The following STEAP4 variants were observed in gnomAD, a reference collection of about 807,000 sequenced individuals.
The protein encoded by STEAP4 is metalloreductase STEAP4.
Under a neutral mutation model 43.6 loss-of-function variants are expected in STEAP4, and 36 were observed. The ratio of observed to expected loss-of-function variants is 0.83; its 90% confidence interval spans 0.63 to 1.09. STEAP4 has a LOEUF of 1.09. STEAP4 is among the 50% of genes least tolerant of loss of function. STEAP4 has a pLI of 0.00. For missense variants in STEAP4, 495 were observed against 546.5 expected (o/e 0.91, Z 0.94); for synonymous variants, 191 against 196.7 (o/e 0.97, Z 0.24).
Position 88,279,208 on chromosome 7 carries a change from A to G in STEAP4, c.*190T>C. Reference sequence around the variant, plus strand: ...CACTGATTCTTCACTAACCTGAGATAAAATGGTGTTCTCTTCCAGTATGTC... The same window carrying G: ...CACTGATTCTTCACTAACCTGAGATGAAATGGTGTTCTCTTCCAGTATGTC... On this transcript the variant is annotated 3_prime_UTR_variant, in exon 5 of 5. Coordinates refer to ENST00000380079, the MANE Select transcript of STEAP4 (RefSeq NM_024636.4). 1.7e-6 allele frequency: 1 copy of G among 592,464 alleles called. No individual in the cohort carries two copies. The allele number at this position is 592,464 out of a possible 1,614,324, so 36.7% of individuals were successfully genotyped here. A position where few individuals can be genotyped will look rare whatever the true frequency, so the allele number is the denominator to read the frequency against.
At chr7:88,289,381 ACT>A (rs1321994241) in intron 1 of STEAP4, among the ~76,000 whole-genome samples, 1 of 152,138 alleles carries the variant, frequency 6.6e-6, no homozygotes, top group East Asian at 1.9e-4. Context: ...TGAAAGTAAA[ACT>A]CTGTGAATTT....
chr7:88,284,869 A>G (rs1020085112), intron 1 of STEAP4, among the ~76,000 whole-genome samples: 3 of 152,178 alleles, frequency 2.0e-5, no homozygotes, highest in Non-Finnish European at 4.4e-5. Context: ...AGAGAAATAC[A>G]TAGATATTTC....
intron 1 of STEAP4, among the ~76,000 whole-genome samples, chr7:88,296,740 G>T (rs932427270): frequency 6.6e-6 from 1 of 151,834 alleles, no homozygotes; most frequent in South Asian, 2.1e-4. Context: ...AAACACAAAC[G>T]TATCCAATTT....
In STEAP4 at chr7:88,275,600, G is replaced by GGGGGGTGTGTGTGT. The variant is rs1382592079; in HGVS notation, c.*3797_*3798insACACACACACCCCC. 6.9e-6 allele frequency: 1 copy of GGGGGGTGTGTGTGT among 144,960 alleles called. No individual in the cohort carries two copies. Among genetic ancestry groups the GGGGGGTGTGTGTGT allele is most frequent in the African/African-American group, 2.6e-5 (1 of 39,158 alleles). 9.0% of individuals were successfully genotyped at this position (144,960 alleles called of 1,614,324 possible). A position where few individuals can be genotyped will look rare whatever the true frequency, so the allele number is the denominator to read the frequency against. ...TAAGGCTATCTGTGGGCTCTCATGG[G>GGGGGGTGTGTGTGT]GTGTGTGTGTGTGTGTGTGTGTGTG... On this transcript the variant is annotated 3_prime_UTR_variant, in exon 5 of 5. Transcript: ENST00000380079.
chr7:88,282,772 G>C lies in STEAP4; in HGVS notation c.853C>G (p.His285Asp). ...AGCTGCTTTCGGCAAAGCATCCAGT[G>C]GTCAAGCCAGTCTGGGAATCGACGG... ...KYRRFPDWLD[H>D]WMLCRKQLGL... Residue 285 changes from histidine (H) to aspartate (D), a missense_variant, in exon 3 of 5, where the codon CAC (histidine) becomes GAC (aspartate). By Grantham distance (81) the His-to-Asp change is moderately conservative. Coordinates refer to ENST00000380079, the MANE Select transcript of STEAP4 (RefSeq NM_024636.4). The C allele has an allele frequency of 6.2e-7, 1 of 1,614,128 alleles. No homozygotes were observed. The highest frequency in any genetic ancestry group is 1.1e-5 in the South Asian group (1 of 91,082).
At chr7:88,295,359 A>G (rs150775125) in intron 1 of STEAP4, among the ~76,000 whole-genome samples, 147 of 152,266 alleles carry the variant, frequency 9.7e-4, no homozygotes, top group African/African-American at 3.5e-3. Context: ...GAAAATGCAA[A>G]TACCTCTGCA....
At chr7:88,301,160 G>T (rs764154272) in intron 1 of STEAP4, among the ~76,000 whole-genome samples, 5 of 152,196 alleles carry the variant, frequency 3.3e-5, no homozygotes, top group Non-Finnish European at 5.9e-5. Flanking sequence ...TAACTGCAAT[G>T]AACCATTTAC....
At chr7:88,299,362 C>T (rs1446603254) in intron 1 of STEAP4, among the ~76,000 whole-genome samples, 1 of 152,190 alleles carries the variant, frequency 6.6e-6, no homozygotes, top group East Asian at 1.9e-4. Context: ...AAGCCCAGGA[C>T]TCATGACAAC....
intron 1 of STEAP4, among the ~76,000 whole-genome samples, chr7:88,287,580 G>A (rs946723004): frequency 5.3e-5 from 8 of 152,130 alleles, no homozygotes; most frequent in Admixed American, 2.6e-4. Flanking sequence ...ATAGGAGCTC[G>A]AAAGTGGGAA....
chr7:88,289,384 CTG>C (rs886466714), intron 1 of STEAP4, among the ~76,000 whole-genome samples: 5 of 152,154 alleles, frequency 3.3e-5, no homozygotes, highest in Non-Finnish European at 7.3e-5. Context: ...AAGTAAAACT[CTG>C]TGAATTTGAT....
rs1218949941 is a variant in STEAP4, at chr7:88,284,215, G to A, written c.55C>T (p.Gln19Ter). ...LPLTMNSSEK[Q>*]ETVCIFGTGD... Reference sequence around the variant, plus strand: ...GTTCCAAAAATACATACAGTCTCTTGCTTTTCTGAAGAATTCATAGTAAGA... The same window carrying A: ...GTTCCAAAAATACATACAGTCTCTTACTTTTCTGAAGAATTCATAGTAAGA... Residue 19 changes from glutamine (Q) to a stop codon, truncating the protein, a stop_gained, in exon 2 of 5, where the codon CAA becomes TAA. Coordinates refer to ENST00000380079, the MANE Select transcript of STEAP4 (RefSeq NM_024636.4). LOFTEE classifies it high-confidence loss of function. The A allele has an allele frequency of 1.2e-6, 2 of 1,612,236 alleles. No homozygotes were observed. Among genetic ancestry groups the A allele is most frequent in the South Asian group, 1.1e-5 (1 of 90,954 alleles).
chr7:88,285,756 CAA>C (rs371254467), intron 1 of STEAP4, among the ~76,000 whole-genome samples: 43 of 78,362 alleles, frequency 5.5e-4, no homozygotes, highest in Non-Finnish European at 7.2e-4. Context: ...GACTTTGTCT[CAA>C]AAAAAAAAAA....
At chr7:88,294,369 TC>T (rs1277383425) in intron 1 of STEAP4, among the ~76,000 whole-genome samples, 1 of 151,974 alleles carries the variant, frequency 6.6e-6, no homozygotes, top group Non-Finnish European at 1.5e-5. Flanking sequence ...TCAAGATATC[TC>T]ATTATGTATA....
chr7:88,277,901 C>T lies in STEAP4; in HGVS notation c.*1497G>A, dbSNP rs1435710458. 2 of 151,528 alleles carry T rather than the reference C, an allele frequency of 1.3e-5. No individual in the cohort carries two copies. The highest frequency in any genetic ancestry group is 2.9e-5 in the Non-Finnish European group (2 of 67,878). 9.4% of individuals were successfully genotyped at this position (151,528 alleles called of 1,614,324 possible). A position where few individuals can be genotyped will look rare whatever the true frequency, so the allele number is the denominator to read the frequency against. ...AAAATAATAAAAAGGAAAACAAAGC[C>T]TTTAGAAAAACAAAGCCTTTGAAAA... On this transcript the variant is annotated 3_prime_UTR_variant, in exon 5 of 5. Transcript: ENST00000380079.
At chr7:88,282,305 T>C (rs1353409709) in intron 3 of STEAP4, 2 of 232,714 alleles carry the variant, frequency 8.6e-6, no homozygotes, top group South Asian at 9.8e-5. Flanking sequence ...CCCGCCACCA[T>C]GCCCAGCTAA....
At position 88,273,612 on chromosome 7, in the gene STEAP4, AT is replaced by A. The variant is rs910726347; in HGVS notation, c.*5785del. The A allele has an allele frequency of 6.6e-6, 1 of 152,166 alleles. No individual in the cohort carries two copies. Among genetic ancestry groups the A allele is most frequent in the Non-Finnish European group, 1.5e-5 (1 of 68,042 alleles). The allele number at this position is 152,166 out of a possible 1,614,324, so 9.4% of individuals were successfully genotyped here. On this transcript the variant is annotated 3_prime_UTR_variant, in exon 5 of 5. Transcript: ENST00000380079. ...ATGGGTTACTGGATCTCAAAAACAA[AT>A]AAGTTCACTCAGTACACAAAGCAAT...
intron 1 of STEAP4, among the ~76,000 whole-genome samples, chr7:88,299,812 G>A (rs1377828855): frequency 1.3e-5 from 2 of 152,232 alleles, no homozygotes; most frequent in Non-Finnish European, 2.9e-5. Flanking sequence ...AAGCAGTTTT[G>A]TTGTGGATCT....
Position 88,283,019 on chromosome 7 carries a change from G to T in STEAP4, c.606C>A (p.Phe202Leu). Residue 202 changes from phenylalanine (F) to leucine (L), a missense_variant, in exon 3 of 5, where the codon TTC becomes TTA. Transcript: ENST00000380079. ...ACAGCACAGCAGACAAATAGAAGGG[G>T]AACCTCCACATTGGAAATAGCTGCA... is the stretch of plus-strand genomic sequence containing the variant. ...YPLQLFPMWR[F>L]PFYLSAVLCV... is the part of the protein sequence containing the mutation. The T allele has an allele frequency of 2.5e-6, 4 of 1,613,780 alleles. No homozygotes were observed. In the South Asian group the frequency reaches 4.4e-5, roughly 18 times the overall value.
rs1295116206 is a variant in STEAP4 at position 88,275,901 on chromosome 7, C to T, written c.*3497G>A. ...GTAGGGGCTTTCCATTTGCTTCCAGCTTCCTCCAGGTTGTCAGTCCTCTCT... is the reference window on the plus strand; with the variant it reads ...GTAGGGGCTTTCCATTTGCTTCCAGTTTCCTCCAGGTTGTCAGTCCTCTCT... On this transcript the variant is annotated 3_prime_UTR_variant, in exon 5 of 5. Coordinates refer to ENST00000380079, the MANE Select transcript of STEAP4 (RefSeq NM_024636.4). 3 of 152,134 alleles carry T rather than the reference C, an allele frequency of 2.0e-5. No individual in the cohort carries two copies. The highest frequency in any genetic ancestry group is 2.9e-5 in the Non-Finnish European group (2 of 68,030). The allele number at this position is 152,134 out of a possible 1,614,324, so 9.4% of individuals were successfully genotyped here. A position where few individuals can be genotyped will look rare whatever the true frequency, so the allele number is the denominator to read the frequency against.
Sources: gnomAD v4.1 joint callset for allele counts (sites outside exome capture counted in the v4.1 genomes callset) on GRCh38, gnomAD v4.1.1 for gene constraint, MANE v1.5 for transcripts, NCBI Gene and HGNC (gene_info 2026-07-23, HGNC 2026-07-21) for gene names.